TSHB: variants seen among roughly 807,000 people sequenced by gnomAD.
TSHB encodes the protein thyroid stimulating hormone subunit beta.
In TSHB, 9 loss-of-function variants were observed where a neutral mutation model predicts 9.3. The ratio of observed to expected loss-of-function variants is 0.97; its 90% CI spans 0.58 to 1.69. The LOEUF (loss-of-function observed/expected upper bound fraction) is 1.69. Among genes scored for constraint, TSHB ranks in the 40% most tolerant of loss-of-function variants. TSHB has a pLI of 0.00. For synonymous variants in TSHB, 57 were observed against 57.2 expected (o/e 1.00, Z 0.01); for missense variants, 182 against 168.5 (o/e 1.08, Z -0.44).
At chr1:115,032,684 T>A (rs1258586426) in intron 1 of TSHB, among the ~76,000 whole-genome samples, 1 of 151,986 alleles carries the variant, frequency 6.6e-6, no homozygotes, top group Non-Finnish European at 1.5e-5. Context: ...GTAGTAGACC[T>A]AAAATAATTA....
intron 1 of TSHB, among the ~76,000 whole-genome samples, chr1:115,030,984 G>A (rs539059949): frequency 6.9e-6 from 1 of 145,748 alleles, no homozygotes; most frequent in Non-Finnish European, 1.5e-5. Context: ...TCCTTAAGTA[G>A]AATTTAGATC....
chr1:115,034,297 A>T lies in TSHB; in HGVS notation c.*70A>T. 1 of 1,526,790 alleles carries T rather than the reference A, an allele frequency of 6.5e-7. No homozygotes were observed. The highest frequency in any genetic ancestry group is 1.4e-5 in the African/African-American group (1 of 73,244). The allele number at this position is 1,526,790 out of a possible 1,614,324, so 94.6% of individuals were successfully genotyped here. A position where few individuals can be genotyped will look rare whatever the true frequency, so the allele number is the denominator to read the frequency against. On this transcript the variant is annotated 3_prime_UTR_variant, in exon 3 of 3. Transcript: ENST00000256592. ...AAAGCTAATAAAAATATTATGTTTCACATTATCTTCTGTTCATTTTGAGTA... is the reference window on the plus strand; with the variant it reads ...AAAGCTAATAAAAATATTATGTTTCTCATTATCTTCTGTTCATTTTGAGTA...
Position 115,033,540 on chromosome 1 carries a change from C to A in TSHB, c.162+16C>A, listed in dbSNP as rs372922733. ...TATGACACGGGTATGTAGTTCATGT[C>A]ACTTCTTTTGGCTGTAAATTATATA... On this transcript the variant is annotated intron_variant, in intron 2 of 2. Transcript: ENST00000256592. 1 of 1,609,118 alleles carries A rather than the reference C, an allele frequency of 6.2e-7. No homozygotes were observed. Among genetic ancestry groups the A allele is most frequent in the Non-Finnish European group, 8.5e-7 (1 of 1,175,558 alleles).
At chr1:115,031,227 T>G (rs1674888083) in intron 1 of TSHB, among the ~76,000 whole-genome samples, 1 of 152,064 alleles carries the variant, frequency 6.6e-6, no homozygotes, top group East Asian at 1.9e-4. Context: ...GTACAGATAC[T>G]GTGGCTGGTA....
chr1:115,030,982 T>C (rs573376487), intron 1 of TSHB, among the ~76,000 whole-genome samples: 4 of 147,462 alleles, frequency 2.7e-5, no homozygotes, highest in East Asian at 4.0e-4. Flanking sequence ...AATCCTTAAG[T>C]AGAATTTAGA....
chr1:115,032,570 C>T (rs1246312330), intron 1 of TSHB, among the ~76,000 whole-genome samples: 1 of 151,956 alleles, frequency 6.6e-6, no homozygotes, highest in African/African-American at 2.4e-5. Context: ...AATCCAAACA[C>T]ATCTAGCTAG....
At position 115,033,513 on chromosome 1, in the gene TSHB, T is replaced by C; in HGVS notation, c.151T>C (p.Cys51Arg). ...CAACACCACCATCTGTGCTGGATAT[T>C]GTATGACACGGGTATGTAGTTCATG... ...TINTTICAGY[C>R]MTRDINGKLF... Residue 51 changes from cysteine to arginine, a missense_variant, in exon 2 of 3, where the codon TGT becomes CGT. By Grantham distance (180) the Cys-to-Arg change is radical. Coordinates refer to ENST00000256592, the MANE Select transcript of TSHB (RefSeq NM_000549.5). 6.2e-7 allele frequency: 1 copy of C among 1,613,188 alleles called. No individual in the cohort carries two copies. The highest frequency in any genetic ancestry group is 8.5e-7 in the Non-Finnish European group (1 of 1,179,228).
intron 1 of TSHB, among the ~76,000 whole-genome samples, chr1:115,030,867 GTT>G (rs1392392700): frequency 6.6e-6 from 1 of 151,984 alleles, no homozygotes; most frequent in East Asian, 1.9e-4. Flanking sequence ...AGAGCCAAGT[GTT>G]TCACATGTAT....
rs533329568 is a variant in TSHB, at chr1:115,032,784, T to C, written c.-1-578T>C. ...ATGATATATCCAATATGATATCATATCCAATATAACTATATCCAATCAATA... is the reference window on the plus strand; with the variant it reads ...ATGATATATCCAATATGATATCATACCCAATATAACTATATCCAATCAATA... On this transcript the variant is annotated intron_variant, in intron 1 of 2. Transcript: ENST00000256592. Among the ~76,000 whole-genome samples, 14 of 152,124 alleles carry C rather than the reference T, an allele frequency of 9.2e-5. No individual in the cohort carries two copies. In the South Asian group the frequency reaches 2.7e-3, roughly 29 times the overall value.
At chr1:115,033,293 A>G (rs544200050) in intron 1 of TSHB, 69 bp from the exon 2 acceptor site, 5 of 1,478,116 alleles carry the variant, frequency 3.4e-6, no homozygotes, top group South Asian at 2.3e-5. Flanking sequence ...GTTTGGTTAT[A>G]CTTTTTCTTG....
chr1:115,032,355 T>G (rs1674909587), intron 1 of TSHB, among the ~76,000 whole-genome samples: 1 of 152,056 alleles, frequency 6.6e-6, no homozygotes. Context: ...TTACAGAGGT[T>G]TTAGTGTATA....
At chr1:115,032,696 G>T (rs1674919978) in intron 1 of TSHB, among the ~76,000 whole-genome samples, 1 of 151,782 alleles carries the variant, frequency 6.6e-6, no homozygotes, top group Non-Finnish European at 1.5e-5. Context: ...AAATAATTAT[G>T]TCATAACATT....
chr1:115,032,742 A>T (rs1213101644), intron 1 of TSHB, among the ~76,000 whole-genome samples: 2 of 152,048 alleles, frequency 1.3e-5, no homozygotes. Context: ...TCAATATCAT[A>T]TCAATATCAT....
chr1:115,031,861 C>A (rs1407152428), intron 1 of TSHB, among the ~76,000 whole-genome samples: 2 of 151,992 alleles, frequency 1.3e-5, no homozygotes, highest in Non-Finnish European at 2.9e-5. Flanking sequence ...GAATATGCAA[C>A]ATTTCATTTA....
At position 115,034,088 on chromosome 1, in the gene TSHB, C is replaced by T; in HGVS notation, c.278C>T (p.Pro93Leu). 6 of 1,613,740 alleles carry T rather than the reference C, an allele frequency of 3.7e-6. No individual in the cohort carries two copies. The highest frequency in any genetic ancestry group is 5.1e-6 in the Non-Finnish European group (6 of 1,179,782). Residue 93 changes from proline (P) to leucine (L), a missense_variant, in exon 3 of 3, where the codon CCC (proline) becomes CTC (leucine). Transcript: ENST00000256592. ...CCAGGATGCCCACTCCATGTTGCTC[C>T]CTATTTTTCCTATCCTGTTGCTTTA... ...EIPGCPLHVA[P>L]YFSYPVALSC...
intron 1 of TSHB, among the ~76,000 whole-genome samples, chr1:115,031,867 AT>A (rs1466325232): frequency 1.3e-5 from 2 of 152,066 alleles, no homozygotes; most frequent in Non-Finnish European, 2.9e-5. Context: ...GCAACATTTC[AT>A]TTAAAAGAAT....
chr1:115,030,523 A>G (rs1026124885), intron 1 of TSHB, among the ~76,000 whole-genome samples: 5 of 152,154 alleles, frequency 3.3e-5, no homozygotes, highest in African/African-American at 1.2e-4. Context: ...GTTTATTAAG[A>G]ATGAAGCATT....
intron 1 of TSHB, 126 bp downstream of exon 1, chr1:115,029,986 G>T (rs540959873): frequency 6.6e-5 from 10 of 152,440 alleles, no homozygotes; most frequent in Non-Finnish European, 1.5e-4. Context: ...TCAACAGGCT[G>T]TAATATCTTA....
At chr1:115,033,245 A>G in intron 1 of TSHB, 117 bp from the exon 2 acceptor site, 1 of 942,886 alleles carries the variant, frequency 1.1e-6, no homozygotes, top group Admixed American at 2.2e-5. Flanking sequence ...AAATGGTAGA[A>G]TTATAAGCAT....
Sources: gnomAD v4.1 joint callset for allele counts (sites outside exome capture counted in the v4.1 genomes callset) on GRCh38, gnomAD v4.1.1 for gene constraint, MANE v1.5 for transcripts, NCBI Gene and HGNC (gene_info 2026-07-23, HGNC 2026-07-21) for gene names.